Variants in AKAP11 observed in about 807,000 individuals in gnomAD.
The protein encoded by AKAP11 is A-kinase anchor protein 11.
In AKAP11, 36 loss-of-function variants were observed where a neutral mutation model predicts 146.1. The observed-to-expected ratio is 0.25, with a 90% confidence interval of 0.19 to 0.33. The LOEUF (loss-of-function observed/expected upper bound fraction) is 0.33, where lower values mean the gene tolerates loss of function less well. Ranked by LOEUF, AKAP11 falls within the 10% of genes least tolerant of loss-of-function variation. AKAP11 has a pLI of 1.00. For synonymous variants in AKAP11, 780 were observed against 786.5 expected (o/e 0.99, Z 0.14); for missense variants, 2,201 against 2,197.0 (o/e 1.00, Z -0.04).
In AKAP11 at chr13:42,303,751, A is replaced by C. The variant is rs772484849; in HGVS notation, c.5005A>C (p.Thr1669Pro). Residue 1669 changes from threonine (T) to proline (P), a missense_variant, in exon 8 of 13, where the codon ACC (threonine) becomes CCC (proline). Transcript: ENST00000025301. Reference protein sequence around the residue: ...IEKAERELSSTSLAADSGIGQ... With the variant: ...IEKAERELSSPSLAADSGIGQ... ...AAAAGCTGAGCGAGAGCTGAGCAGT[A>C]CCAGCCTGGCAGCCGACAGTGGGAT... is the stretch of plus-strand genomic sequence containing the variant. The C allele has an allele frequency of 1.9e-6, 3 of 1,614,028 alleles. No individual in the cohort carries two copies. The Admixed American group carries it at 5.0e-5, about 27-fold the overall frequency.
At chr13:42,275,677 T>G (rs1382839615) in intron 1 of AKAP11, among the ~76,000 whole-genome samples, 1 of 152,194 alleles carries the variant, frequency 6.6e-6, no homozygotes, top group Admixed American at 6.5e-5. Flanking sequence ...ACAGGACAGA[T>G]TCTCCTGGGT....
chr13:42,307,435 G>C (rs1342839508), intron 8 of AKAP11, among the ~76,000 whole-genome samples: 2 of 152,214 alleles, frequency 1.3e-5, no homozygotes, highest in Non-Finnish European at 1.5e-5. Context: ...TAGGGAGTTA[G>C]GGAGTTAGAG....
At chr13:42,311,729 A>G (rs1430524042) in intron 9 of AKAP11, among the ~76,000 whole-genome samples, 2 of 152,168 alleles carry the variant, frequency 1.3e-5, no homozygotes, top group East Asian at 3.9e-4. Context: ...AGTGTTTGAG[A>G]TGATTAATTT....
At chr13:42,286,448 G>A in intron 3 of AKAP11, 49 bp downstream of exon 3, 1 of 1,449,794 alleles carries the variant, frequency 6.9e-7, no homozygotes, top group South Asian at 1.3e-5. Flanking sequence ...TAATTAAAAT[G>A]TTGATTTTTT....
At chr13:42,280,704 G>A (rs566674682) in intron 1 of AKAP11, among the ~76,000 whole-genome samples, 11 of 152,184 alleles carry the variant, frequency 7.2e-5, no homozygotes, top group Non-Finnish European at 1.5e-4. Context: ...CACAAAGGAG[G>A]TGGTTACTAT....
In AKAP11 at chr13:42,301,802, C is replaced by T; in HGVS notation, c.3056C>T (p.Ser1019Phe). The stretch of plus-strand genomic sequence containing the variant: ...AAAGTTTCTATGGTTCATGGATCCT[C>T]CCTAGAGACACTGCCATCTTGTCCA... Reference protein sequence around the residue: ...ECKVSMVHGSSLETLPSCPAV... With the variant: ...ECKVSMVHGSFLETLPSCPAV... Residue 1019 changes from serine to phenylalanine, a missense_variant, in exon 8 of 13, where the codon TCC becomes TTC. By Grantham distance (155) the Ser-to-Phe change is radical. Around this residue, in one of 3 missense-constraint regions of AKAP11, gnomAD observed 1,867 missense variants for 1,833.5 expected, o/e 1.02. Coordinates refer to ENST00000025301, the MANE Select transcript of AKAP11 (RefSeq NM_016248.4). The T allele has an allele frequency of 6.2e-7, 1 of 1,614,106 alleles. No homozygotes were observed. Among genetic ancestry groups the T allele is most frequent in the Non-Finnish European group, 8.5e-7 (1 of 1,179,978 alleles).
intron 4 of AKAP11, 70 bp downstream of exon 4, chr13:42,292,571 T>C (rs920119168): frequency 1.2e-6 from 1 of 862,836 alleles, no homozygotes; most frequent in Non-Finnish European, 1.7e-6. Context: ...TTTGTAGGAC[T>C]CTATGATCTA....
chr13:42,286,452 AT>A (rs768803905), intron 3 of AKAP11, 53 bp downstream of exon 3: 596 of 1,396,928 alleles, frequency 4.3e-4, no homozygotes, highest in South Asian at 8.5e-4. Flanking sequence ...TAAAATGTTG[AT>A]TTTTTTTTAA....
At chr13:42,286,556 G>A (rs1024623698) in intron 3 of AKAP11, among the ~76,000 whole-genome samples, 157 bp downstream of exon 3, 1 of 152,108 alleles carries the variant, frequency 6.6e-6, no homozygotes, top group African/African-American at 2.4e-5. Flanking sequence ...TGAAAATAGT[G>A]ATACAAAATC....
chr13:42,307,736 G>C (rs1356650333), intron 8 of AKAP11, among the ~76,000 whole-genome samples: 3 of 152,150 alleles, frequency 2.0e-5, no homozygotes, highest in Non-Finnish European at 4.4e-5. Context: ...TGTTATAAGA[G>C]GGGACAGGCA....
Position 42,313,052 on chromosome 13 carries a change from G to A in AKAP11, c.5279G>A (p.Gly1760Asp). The A allele has an allele frequency of 3.7e-6, 6 of 1,612,454 alleles. No homozygotes were observed. Among genetic ancestry groups the A allele is most frequent in the Middle Eastern group, 1.7e-4 (1 of 6,056 alleles). Residue 1760 changes from glycine (G) to aspartate (D), a missense_variant, in exon 10 of 13, where the codon GGT becomes GAT. Physicochemically the swap from Gly to Asp is moderately conservative, Grantham distance 94. This residue lies in a region of AKAP11 where 1,867 missense variants were observed against 1,833.5 expected (regional missense o/e 1.02). Transcript: ENST00000025301. ...TTCTTTTCTTCCTCTGGCAGTAATG[G>A]TAACAGCAGTAGCTGGAGCAGTCTT... is the stretch of plus-strand genomic sequence containing the variant. Reference protein sequence around the residue: ...SSFHHLSESNGNSSSWSSLGL... With the variant: ...SSFHHLSESNDNSSSWSSLGL...
intron 4 of AKAP11, among the ~76,000 whole-genome samples, chr13:42,294,793 A>C (rs1212748122): frequency 2.0e-5 from 3 of 152,182 alleles, no homozygotes; most frequent in Non-Finnish European, 4.4e-5. Flanking sequence ...AAAAATGCAG[A>C]GGGGAAAAGA....
chr13:42,281,901 T>C (rs187617438), intron 1 of AKAP11, among the ~76,000 whole-genome samples: 2 of 152,220 alleles, frequency 1.3e-5, no homozygotes, highest in Admixed American at 1.3e-4. Flanking sequence ...TTAGTGTACC[T>C]CCTTCAAGTC....
At chr13:42,314,017 T>C in intron 11 of AKAP11, 77 bp downstream of exon 11, 2 of 1,395,248 alleles carry the variant, frequency 1.4e-6, no homozygotes, top group Non-Finnish European at 2.0e-6. Flanking sequence ...TGCATTTTCA[T>C]CAGATAGGCT....
chr13:42,273,223 A>G (rs1566249425), intron 1 of AKAP11, among the ~76,000 whole-genome samples: 2 of 152,128 alleles, frequency 1.3e-5, no homozygotes, highest in African/African-American at 4.8e-5. Flanking sequence ...GTCTGAAAAT[A>G]CTCAAAATAT....
chr13:42,272,094 C>CG (rs1297121112), upstream of AKAP11: 2 of 6,964 alleles, frequency 2.9e-4, no homozygotes, highest in African/African-American at 9.3e-4. Context: ...GTGGGCAGGG[C>CG]GGGGGCGGGC....
intron 4 of AKAP11, among the ~76,000 whole-genome samples, chr13:42,295,145 G>A (rs540643740): frequency 2.1e-4 from 32 of 152,290 alleles, no homozygotes; most frequent in Middle Eastern, 6.8e-3. Flanking sequence ...CACTTGCATC[G>A]AAACTTGAAG....
chr13:42,317,050 G>GT (rs1960855368), intron 11 of AKAP11, among the ~76,000 whole-genome samples: 1 of 152,018 alleles, frequency 6.6e-6, no homozygotes, highest in Non-Finnish European at 1.5e-5. Context: ...GCCGGATTTT[G>GT]TATTTTTAAT....
rs183696813 is a variant in AKAP11, at chr13:42,292,371, T to G, written c.52-14T>G. 3 of 1,478,058 alleles carry G rather than the reference T, an allele frequency of 2.0e-6. No individual in the cohort carries two copies. The highest frequency in any genetic ancestry group is 3.6e-5 in the Admixed American group (2 of 56,016). 91.6% of individuals were successfully genotyped at this position (1,478,058 alleles called of 1,614,324 possible). A position where few individuals can be genotyped will look rare whatever the true frequency, so the allele number is the denominator to read the frequency against. ...AAATAAATTTGAAATATCTTTGCTT[T>G]CTTTCCCCTGCAGAGCTTCAGTGAA... On this transcript the variant is annotated splice_polypyrimidine_tract_variant and intron_variant, in intron 3 of 12. Transcript: ENST00000025301.
Sources: gnomAD v4.1 joint callset for allele counts (sites outside exome capture counted in the v4.1 genomes callset) on GRCh38, gnomAD v4.1.1 for gene constraint, gnomAD v4.1.1 regional missense constraint, MANE v1.5 for transcripts, NCBI Gene and HGNC (gene_info 2026-07-23, HGNC 2026-07-21) for gene names.